COL5A1: variants seen among roughly 807,000 people sequenced by gnomAD.
The protein encoded by COL5A1 is collagen type V alpha 1 chain, also known as collagen alpha-1(V) chain.
A neutral mutation model predicts 263.7 loss-of-function variants in COL5A1; 16 were observed. The ratio of observed to expected loss-of-function variants is 0.06; its 90% CI spans 0.04 to 0.09. The LOEUF is 0.09. Among genes scored for constraint, COL5A1 ranks in the 10% least tolerant of loss-of-function variants. The pLI is 1.00. For synonymous variants in COL5A1, 1,012 were observed against 1,004.5 expected, an observed-to-expected ratio of 1.01 and a Z score of -0.14; for missense variants, 2,036 against 2,540.5, an observed-to-expected ratio of 0.80 and a Z score of 4.27.
rs774936702 is a variant in COL5A1 at position 134,738,513 on chromosome 9, G to T, written c.1429G>T (p.Ala477Ser). Residue 477 changes from alanine to serine, a missense_variant and splice_region_variant, in exon 10 of 66, where the codon GCG (alanine) becomes TCG (serine). By Grantham distance (99) the Ala-to-Ser change is moderately conservative. This residue lies in a region of COL5A1 where 1,078 missense variants were observed against 1,521.4 expected (regional missense o/e 0.71). Transcript: ENST00000371817. ...IEGPPGPEGP[A>S]GLPGPPGTMG... ...GGGCCCGCCTGGCCCAGAAGGCCCCGCGGTGAGTATCCGGCTTTATCCTGT... is the reference window on the plus strand; with the variant it reads ...GGGCCCGCCTGGCCCAGAAGGCCCCTCGGTGAGTATCCGGCTTTATCCTGT... 10 of 1,613,914 alleles carry T rather than the reference G, an allele frequency of 6.2e-6. No individual in the cohort carries two copies. Among genetic ancestry groups the T allele is most frequent in the Non-Finnish European group, 5.9e-6 (7 of 1,180,036 alleles).
chr9:134,785,162 C>A, intron 30 of COL5A1, 66 bp downstream of exon 30: 1 of 1,364,234 alleles, frequency 7.3e-7, no homozygotes, highest in Non-Finnish European at 1.0e-6. Flanking sequence ...CCCATGGCCT[C>A]GGGCTCCCGT....
chr9:134,760,673 C>A (rs542172006), intron 18 of COL5A1, among the ~76,000 whole-genome samples: 1 of 133,052 alleles, frequency 7.5e-6, no homozygotes, highest in Admixed American at 7.4e-5. Context: ...ACCACACATG[C>A]ACACCCCCCA....
intron 34 of COL5A1, among the ~76,000 whole-genome samples, chr9:134,795,631 G>C (rs377487887): frequency 4.4e-4 from 67 of 152,306 alleles, no homozygotes; most frequent in African/African-American, 1.5e-3. Flanking sequence ...ACCCGCCCTG[G>C]TCGGGAGGCC....
At chr9:134,762,597 T>A (rs1001098767) in intron 19 of COL5A1, among the ~76,000 whole-genome samples, 2 of 152,190 alleles carry the variant, frequency 1.3e-5, no homozygotes, top group African/African-American at 4.8e-5. Context: ...GGGCATGGGA[T>A]GCACGAGGCT....
chr9:134,763,772 C>T (rs916330561), intron 20 of COL5A1, 35 bp downstream of exon 20: 1 of 1,604,862 alleles, frequency 6.2e-7, no homozygotes, highest in African/African-American at 1.3e-5. Flanking sequence ...GGTGGGGGCT[C>T]AGTGTGGAGA....
intron 27 of COL5A1, among the ~76,000 whole-genome samples, chr9:134,776,340 T>G (rs540309775): frequency 6.6e-6 from 1 of 152,362 alleles, no homozygotes; most frequent in African/African-American, 2.4e-5. Flanking sequence ...CATGGCTAAT[T>G]GCATAACGCT....
intron 34 of COL5A1, among the ~76,000 whole-genome samples, chr9:134,795,847 C>A (rs944365737): frequency 5.3e-5 from 8 of 152,240 alleles, no homozygotes. Flanking sequence ...CACTCCAGAG[C>A]GGGTTCCTGC....
chr9:134,811,409 A>G lies in COL5A1; in HGVS notation c.3582+17A>G. On this transcript the variant is annotated intron_variant, in intron 45 of 65. Transcript: ENST00000371817. Reference sequence around the variant, plus strand: ...GGCCCCTCTGTGAGTATCCATGGTCAATGACCTTCGAAAAGCCCCACGCCC... The same window carrying G: ...GGCCCCTCTGTGAGTATCCATGGTCGATGACCTTCGAAAAGCCCCACGCCC... 6.2e-7 allele frequency: 1 copy of G among 1,613,298 alleles called. No individual in the cohort carries two copies. Among genetic ancestry groups the G allele is most frequent in the Non-Finnish European group, 8.5e-7 (1 of 1,179,782 alleles).
chr9:134,793,417 C>T (rs1024521022), intron 32 of COL5A1, among the ~76,000 whole-genome samples: 2 of 152,208 alleles, frequency 1.3e-5, no homozygotes, highest in Non-Finnish European at 2.9e-5. Flanking sequence ...GCTCCAGTCA[C>T]AGGGACTCGA....
chr9:134,649,576 C>CT (rs1013171129), intron 1 of COL5A1: 21 of 442,796 alleles, frequency 4.7e-5, no homozygotes, highest in African/African-American at 8.4e-5. Flanking sequence ...CTGGTGGCCT[C>CT]TTTTTTTTCT....
chr9:134,669,523 T>C (rs1489543983), intron 1 of COL5A1, among the ~76,000 whole-genome samples: 2 of 152,040 alleles, frequency 1.3e-5, no homozygotes, highest in Non-Finnish European at 2.9e-5. Context: ...CTGTCTACAC[T>C]AGGCGGCCAG....
rs1484797317 is a variant in COL5A1 at position 134,809,309 on chromosome 9, G to A, written c.3474+19G>A. The A allele has an allele frequency of 6.3e-7, 1 of 1,581,974 alleles. No individual in the cohort carries two copies. The highest frequency in any genetic ancestry group is 8.6e-7 in the Non-Finnish European group (1 of 1,157,066). ...AGATAAGGTAAGGCAAATCCAGAGT[G>A]ACCCATGGCTGGGCCTGGCTGGGCA... is the stretch of plus-strand genomic sequence containing the variant. On this transcript the variant is annotated intron_variant, in intron 43 of 65. Coordinates refer to ENST00000371817, the MANE Select transcript of COL5A1 (RefSeq NM_000093.5).
At chr9:134,759,662 A>G (rs1564438438) in intron 18 of COL5A1, among the ~76,000 whole-genome samples, 1 of 87,182 alleles carries the variant, frequency 1.1e-5, no homozygotes, top group Non-Finnish European at 1.9e-5. Flanking sequence ...ACACATACGC[A>G]TGCACACCCC....
intron 65 of COL5A1, 75 bp downstream of exon 65, chr9:134,835,279 ACCTGT>A (rs994073284): frequency 1.2e-4 from 164 of 1,351,546 alleles, no homozygotes; most frequent in Non-Finnish European, 1.4e-4. Flanking sequence ...GCACGGGTTT[ACCTGT>A]CCCCAAGATG....
chr9:134,646,630 C>T (rs1006028813), intron 1 of COL5A1, among the ~76,000 whole-genome samples: 1 of 152,214 alleles, frequency 6.6e-6, no homozygotes, highest in Non-Finnish European at 1.5e-5. Context: ...CCTTTCTCTG[C>T]CCCCGTTCCT....
chr9:134,787,391 G>A (rs988785840), intron 31 of COL5A1, among the ~76,000 whole-genome samples: 3 of 152,202 alleles, frequency 2.0e-5, no homozygotes, highest in Non-Finnish European at 4.4e-5. Flanking sequence ...TGGCTTGGCT[G>A]AACTCAGTCC....
rs1838983335 is a variant in COL5A1, at chr9:134,821,163, T to A, written c.4555-934T>A. ...GTCGTCGGAGGAGTGCCGCCCAGGG[T>A]GTGGTGGCCCGGCAACCACGAGAAT... On this transcript the variant is annotated intron_variant, in intron 58 of 65. Transcript: ENST00000371817. This position sits in a 1 kb window ranked among gnomAD's most constrained non-coding sequence, Gnocchi z 4.2. 6.6e-6 allele frequency among the ~76,000 whole-genome samples: 1 copy of A among 151,392 alleles called. No individual in the cohort carries two copies. The highest frequency in any genetic ancestry group is 1.5e-5 in the Non-Finnish European group (1 of 67,824).
At chr9:134,671,991 GC>G (rs1292767363) in intron 1 of COL5A1, among the ~76,000 whole-genome samples, 4 of 152,210 alleles carry the variant, frequency 2.6e-5, no homozygotes, top group African/African-American at 9.6e-5. Flanking sequence ...GTGTGGGGGG[GC>G]CCACTTCAAA....
chr9:134,735,954 G>C (rs568000476), intron 9 of COL5A1, among the ~76,000 whole-genome samples: 2 of 152,396 alleles, frequency 1.3e-5, no homozygotes, highest in East Asian at 3.9e-4. Flanking sequence ...CAGCACCTCT[G>C]GTGACAGCCT....
Sources: allele counts gnomAD v4.1 joint callset (sites outside exome capture counted in the v4.1 genomes callset), GRCh38; gene constraint gnomAD v4.1.1; regional missense constraint gnomAD v4.1.1; non-coding constraint Gnocchi (gnomAD v3.1); transcripts MANE v1.5; gene names NCBI Gene and HGNC (gene_info 2026-07-23, HGNC 2026-07-21).